The following CFI variants were observed in gnomAD, a reference collection of about 807,000 sequenced individuals.
CFI encodes the protein C3B/C4B inactivator.
Under a neutral mutation model 78.8 loss-of-function variants are expected in CFI, and 66 were observed. That is an observed-to-expected ratio of 0.84 (90% confidence interval 0.69 to 1.03). The LOEUF (loss-of-function observed/expected upper bound fraction) is 1.03. Ranked by LOEUF, CFI falls within the 50% of genes least tolerant of loss-of-function variation. CFI has a pLI of 0.00. For missense variants in CFI, 706 were observed against 704.5 expected (o/e 1.00, Z -0.02); for synonymous variants, 250 against 232.6 (o/e 1.07, Z -0.68).
intron 10 of CFI, 141 bp downstream of exon 10, chr4:109,749,077 C>T (rs1391117519): frequency 1.7e-5 from 14 of 842,924 alleles, no homozygotes; most frequent in South Asian, 2.7e-5. Context: ...ATTCCAGTCG[C>T]GAATACCAGA....
chr4:109,786,926 G>T (rs1579300116), intron 1 of CFI, among the ~76,000 whole-genome samples: 1 of 151,974 alleles, frequency 6.6e-6, no homozygotes, highest in African/African-American at 2.4e-5. Context: ...CCGGGCACAG[G>T]GTGTATTACC....
At chr4:109,736,910 T>C (rs960907007), downstream of CFI, among the ~76,000 whole-genome samples, 4 of 152,166 alleles carry the variant, frequency 2.6e-5, no homozygotes, top group Admixed American at 2.6e-4. Flanking sequence ...ACTTCCTTCC[T>C]TTCTGTACTC....
At chr4:109,734,452 C>G in the CFI span, among the ~76,000 whole-genome samples, 1 of 152,046 alleles carries the variant, frequency 6.6e-6, no homozygotes, top group Non-Finnish European at 1.5e-5. Context: ...TCACAAGAGT[C>G]TCATTGAAGT....
intron 7 of CFI, among the ~76,000 whole-genome samples, chr4:109,756,893 GAAAGAAAGAAAGA>G (rs1172164214): frequency 5.1e-4 from 7 of 13,778 alleles, no homozygotes; most frequent in East Asian, 1.7e-3. Context: ...AGAAAGGAAA[GAAAGAAAGAAAGA>G]AAGAAAGAAA....
chr4:109,778,734 A>T (rs1729606170), intron 1 of CFI, among the ~76,000 whole-genome samples: 1 of 152,234 alleles, frequency 6.6e-6, no homozygotes, highest in African/African-American at 2.4e-5. Flanking sequence ...AATCCTCAAT[A>T]AAATACTGGC....
At chr4:109,774,985 G>T (rs770569279) in intron 1 of CFI, among the ~76,000 whole-genome samples, 8 of 152,104 alleles carry the variant, frequency 5.3e-5, no homozygotes, top group Non-Finnish European at 7.4e-5. Context: ...CAGAGGTTTT[G>T]GTGGGTTGTG....
intron 1 of CFI, among the ~76,000 whole-genome samples, chr4:109,784,992 C>T (rs934149362): frequency 5.3e-5 from 8 of 151,958 alleles, no homozygotes; most frequent in African/African-American, 7.2e-5. Context: ...CCCACCCTTG[C>T]GATAATGTAC....
At chr4:109,748,200 T>C (rs1170237008) in intron 10 of CFI, among the ~76,000 whole-genome samples, 1 of 152,222 alleles carries the variant, frequency 6.6e-6, no homozygotes, top group Non-Finnish European at 1.5e-5. Context: ...AAGAATACTG[T>C]CCTTCATATT....
At chr4:109,754,206 A>G (rs1428666283) in intron 7 of CFI, among the ~76,000 whole-genome samples, 1 of 150,246 alleles carries the variant, frequency 6.7e-6, no homozygotes, top group Non-Finnish European at 1.5e-5. Flanking sequence ...CTGGTCTTGA[A>G]CTCCTGACCT....
At chr4:109,787,426 T>C (rs1189188950) in intron 1 of CFI, among the ~76,000 whole-genome samples, 2 of 152,016 alleles carry the variant, frequency 1.3e-5, no homozygotes, top group South Asian at 2.1e-4. Context: ...CGTTTTGCAT[T>C]GTACCTGGGA....
At chr4:109,753,494 TTATAATATATTTATTATATA>T (rs1385417091) in intron 7 of CFI, among the ~76,000 whole-genome samples, 5 of 68,728 alleles carry the variant, frequency 7.3e-5, no homozygotes, top group African/African-American at 2.9e-4. Context: ...TAATAAATAT[TTATAATATATTTATTATATA>T]AATAAATATT....
chr4:109,747,212 G>T (rs1324348577), intron 10 of CFI, among the ~76,000 whole-genome samples: 1 of 152,020 alleles, frequency 6.6e-6, no homozygotes, highest in African/African-American at 2.4e-5. Flanking sequence ...CAGAGACAGG[G>T]TCTCACTCTT....
intron 1 of CFI, among the ~76,000 whole-genome samples, chr4:109,798,989 C>G (rs1015425702): frequency 1.1e-4 from 17 of 152,170 alleles, no homozygotes; most frequent in African/African-American, 3.9e-4. Context: ...ACTCACTCAT[C>G]CAGGCCATTT....
chr4:109,771,358 A>G (rs1728560647), intron 1 of CFI, among the ~76,000 whole-genome samples: 1 of 151,344 alleles, frequency 6.6e-6, no homozygotes, highest in African/African-American at 2.4e-5. Flanking sequence ...GCAGTTCGAG[A>G]CCATTCTGGC....
chr4:109,766,456 A>C, intron 2 of CFI, 98 bp downstream of exon 2: 4 of 1,450,538 alleles, frequency 2.8e-6, no homozygotes, highest in Non-Finnish European at 3.8e-6. Flanking sequence ...TTGAGTTGTC[A>C]TCATAACATA....
At position 109,754,012 on chromosome 4, in the gene CFI, C is replaced by T. The variant is rs1279451972; in HGVS notation, c.905-1509G>A. 2.0e-5 allele frequency among the ~76,000 whole-genome samples: 3 copies of T among 149,688 alleles called. No homozygotes were observed. In the South Asian group the frequency reaches 6.3e-4, roughly 31 times the overall value. On this transcript the variant is annotated intron_variant, in intron 7 of 12. Coordinates refer to ENST00000394634, the MANE Select transcript of CFI (RefSeq NM_000204.5). The stretch of plus-strand genomic sequence containing the variant: ...ATATATATATATTTTGAGACGGAGT[C>T]TCACTCTGTTGCCCAGACTGGAGTG...
At chr4:109,755,806 C>G (rs1183671863) in intron 7 of CFI, among the ~76,000 whole-genome samples, 1 of 152,116 alleles carries the variant, frequency 6.6e-6, no homozygotes, top group Non-Finnish European at 1.5e-5. Context: ...CTAGATGCCT[C>G]GAAGAAATCC....
chr4:109,755,461 C>T (rs896026186), intron 7 of CFI, among the ~76,000 whole-genome samples: 1 of 152,086 alleles, frequency 6.6e-6, no homozygotes, highest in Non-Finnish European at 1.5e-5. Context: ...CCCAACACAA[C>T]AGTGTTGGGA....
At chr4:109,790,491 A>G (rs1016812001) in intron 1 of CFI, among the ~76,000 whole-genome samples, 1 of 152,036 alleles carries the variant, frequency 6.6e-6, no homozygotes, top group African/African-American at 2.4e-5. Context: ...TTATGTAGGT[A>G]AACTCGTGTC....
Sources: allele counts gnomAD v4.1 joint callset (sites outside exome capture counted in the v4.1 genomes callset), GRCh38; gene constraint gnomAD v4.1.1; transcripts MANE v1.5; gene names NCBI Gene and HGNC (gene_info 2026-07-23, HGNC 2026-07-21).